CHMP3: variants seen among roughly 807,000 people sequenced by gnomAD.
CHMP3 encodes the protein 25.1 protein.
A neutral mutation model predicts 27.4 loss-of-function variants in CHMP3; 8 were observed. That is an observed-to-expected ratio of 0.29 (90% CI 0.17 to 0.53). CHMP3 has a LOEUF of 0.53. Ranked by LOEUF, CHMP3 falls within the 20% of genes least tolerant of loss-of-function variation. The pLI, the probability that CHMP3 is intolerant of heterozygous loss-of-function variation, is 0.96. For synonymous variants in CHMP3, 86 were observed against 85.5 expected (o/e 1.01, Z -0.03); for missense variants, 208 against 271.5 (o/e 0.77, Z 1.64).
chr2:86,535,218 G>GCACTCCA (rs1336866266), intron 2 of CHMP3, among the ~76,000 whole-genome samples: 1 of 146,450 alleles, frequency 6.8e-6, no homozygotes, highest in East Asian at 2.0e-4. Flanking sequence ...TCACGACGCT[G>GCACTCCA]CACTCCAGCC....
At chr2:86,562,975 G>T in intron 1 of CHMP3, 1 of 255,252 alleles carries the variant, frequency 3.9e-6, no homozygotes, top group Non-Finnish European at 7.5e-6. Flanking sequence ...GCTGGGAAAA[G>T]GTTCCGGGCG....
chr2:86,548,512 T>A (rs1283056460), intron 1 of CHMP3, among the ~76,000 whole-genome samples: 1 of 152,196 alleles, frequency 6.6e-6, no homozygotes, highest in Admixed American at 6.5e-5. Flanking sequence ...GGGGTAAGGT[T>A]ATAGATTAAC....
At chr2:86,544,764 A>C (rs1558657455) in intron 1 of CHMP3, among the ~76,000 whole-genome samples, 1 of 152,212 alleles carries the variant, frequency 6.6e-6, no homozygotes, top group African/African-American at 2.4e-5. Flanking sequence ...ACACAGTAAC[A>C]TCTGATCTCT....
At chr2:86,557,033 C>T (rs1219205487) in intron 1 of CHMP3, among the ~76,000 whole-genome samples, 1 of 152,200 alleles carries the variant, frequency 6.6e-6, no homozygotes, top group African/African-American at 2.4e-5. Flanking sequence ...CTTAAGTTTA[C>T]AATTTTGCTG....
chr2:86,510,854 A>T lies in CHMP3; in HGVS notation c.287-375T>A, dbSNP rs1172424099. 14 of 210,188 alleles carry T rather than the reference A, an allele frequency of 6.7e-5. No individual in the cohort carries two copies. The South Asian group carries it at 8.1e-4, about 12-fold the overall frequency. The allele number at this position is 210,188 out of a possible 1,614,324, so 13.0% of individuals were successfully genotyped here. A position where few individuals can be genotyped will look rare whatever the true frequency, so the allele number is the denominator to read the frequency against. ...ACACTAGGAAAGAGAAGGCTTCAGG[A>T]CCCGAGCAGAGCTCCCCACACACCA... On this transcript the variant is annotated intron_variant, in intron 3 of 5. Transcript: ENST00000263856.
At chr2:86,519,456 T>C (rs1202923194) in intron 3 of CHMP3, among the ~76,000 whole-genome samples, 1 of 152,048 alleles carries the variant, frequency 6.6e-6, no homozygotes, top group Non-Finnish European at 1.5e-5. Context: ...AAAGGGTTTC[T>C]GAGGATCCAG....
At chr2:86,526,501 T>C (rs1051072442) in intron 3 of CHMP3, among the ~76,000 whole-genome samples, 1 of 152,218 alleles carries the variant, frequency 6.6e-6, no homozygotes, top group African/African-American at 2.4e-5. Flanking sequence ...CCCAGCTACT[T>C]ACTTAGCAAT....
chr2:86,541,608 C>T lies in CHMP3; in HGVS notation c.106+644G>A, dbSNP rs567302227. 3.9e-5 allele frequency among the ~76,000 whole-genome samples: 6 copies of T among 152,252 alleles called. No individual in the cohort carries two copies. In the East Asian group the frequency reaches 7.7e-4, roughly 20 times the overall value. ...CTCAGTGATCACAACCCTGTACTGC[C>T]AGCTGCCCAATGTTTGAAAACAGCT... On this transcript the variant is annotated intron_variant, in intron 2 of 5. Transcript: ENST00000263856.
Position 86,505,733 on chromosome 2 carries a change from G to A in CHMP3, c.*71C>T, listed in dbSNP as rs1674862236. Reference sequence around the variant, plus strand: ...AAATGGTAGTCCTCACAACAGAGGTGTAGTGCAAGAGACACATAAAATGGC... The same window carrying A: ...AAATGGTAGTCCTCACAACAGAGGTATAGTGCAAGAGACACATAAAATGGC... On this transcript the variant is annotated 3_prime_UTR_variant, in exon 6 of 6. Coordinates refer to ENST00000263856, the MANE Select transcript of CHMP3 (RefSeq NM_016079.4). 2.1e-6 allele frequency: 3 copies of A among 1,399,272 alleles called. No individual in the cohort carries two copies. The highest frequency in any genetic ancestry group is 5.1e-5 in the Admixed American group (2 of 38,904). 86.7% of individuals were successfully genotyped at this position (1,399,272 alleles called of 1,614,324 possible).
At chr2:86,541,441 C>G (rs1676356135) in intron 2 of CHMP3, 1 of 152,216 alleles carries the variant, frequency 6.6e-6, no homozygotes, top group Non-Finnish European at 1.5e-5. Flanking sequence ...TCCAGCCACT[C>G]CCTGAACCCT....
chr2:86,562,904 G>T (rs1285097915), intron 1 of CHMP3: 1 of 170,638 alleles, frequency 5.9e-6, no homozygotes, highest in Non-Finnish European at 1.2e-5. Context: ...TCCAAACAAC[G>T]CTTCGGGCAG....
At chr2:86,562,162 C>T (rs1450218892) in intron 1 of CHMP3, 1 of 152,172 alleles carries the variant, frequency 6.6e-6, no homozygotes, top group Non-Finnish European at 1.5e-5. Context: ...ACAACAACAA[C>T]AAATTTACAT....
chr2:86,509,459 C>T (rs911982176), intron 4 of CHMP3, among the ~76,000 whole-genome samples: 1 of 152,188 alleles, frequency 6.6e-6, no homozygotes, highest in African/African-American at 2.4e-5. Context: ...CTCTCCCATG[C>T]CCTAAACCCT....
rs1168250126 is a variant in CHMP3, at chr2:86,546,372, G to GT, written c.46-4061_46-4060insA. Among the ~76,000 whole-genome samples the GT allele has an allele frequency of 1.2e-4, 3 of 25,696 alleles. No homozygotes were observed. The East Asian group carries it at 7.2e-3, about 62-fold the overall frequency. 16.9% of individuals were successfully genotyped at this position (25,696 alleles called of 152,430 possible). On this transcript the variant is annotated intron_variant, in intron 1 of 5. Transcript: ENST00000263856. ...AGAGGGAGACCCGAAGGGAGGGGAAGGGGGGGAGGGGGAGGGGGAGTAGGA... is the reference window on the plus strand; with the variant it reads ...AGAGGGAGACCCGAAGGGAGGGGAAGTGGGGGGAGGGGGAGGGGGAGTAGGA...
intron 2 of CHMP3, among the ~76,000 whole-genome samples, chr2:86,530,257 T>C (rs1675867369): frequency 6.6e-6 from 1 of 152,156 alleles, no homozygotes; most frequent in Non-Finnish European, 1.5e-5. Flanking sequence ...CCTCCCAAAG[T>C]GCTGAAATTA....
chr2:86,521,431 C>G (rs557870689), intron 3 of CHMP3, among the ~76,000 whole-genome samples: 5 of 152,160 alleles, frequency 3.3e-5, no homozygotes, highest in African/African-American at 1.2e-4. Context: ...CAAAATTATA[C>G]ATAACATAAA....
In CHMP3 at chr2:86,503,824, TA is replaced by T. The variant is rs1558640191; in HGVS notation, c.*1979del. 6.6e-6 allele frequency: 1 copy of T among 152,338 alleles called. No individual in the cohort carries two copies. Among genetic ancestry groups the T allele is most frequent in the East Asian group, 1.9e-4 (1 of 5,188 alleles). The allele number at this position is 152,338 out of a possible 1,614,324, so 9.4% of individuals were successfully genotyped here. A position where few individuals can be genotyped will look rare whatever the true frequency, so the allele number is the denominator to read the frequency against. On this transcript the variant is annotated 3_prime_UTR_variant, in exon 6 of 6. Transcript: ENST00000263856. ...GAACATGGATGGGGCTGGAGGCCAT[TA>T]TCCTTAACAAACTAACATAGGAACA...
chr2:86,547,415 G>C (rs898680174), intron 1 of CHMP3, among the ~76,000 whole-genome samples: 3 of 152,150 alleles, frequency 2.0e-5, no homozygotes, highest in Admixed American at 6.5e-5. Context: ...TTCTAAACTT[G>C]TAAAATCAAA....
chr2:86,561,011 C>A lies in CHMP3; in HGVS notation c.45+2293G>T, dbSNP rs1303021027. On this transcript the variant is annotated intron_variant, in intron 1 of 5. Coordinates refer to ENST00000263856, the MANE Select transcript of CHMP3 (RefSeq NM_016079.4). ...ACCTCATACTAGGTCCCACCTCCAA[C>A]ACTGGGGATGACAATTTGACATGAG... 2.0e-5 allele frequency among the ~76,000 whole-genome samples: 3 copies of A among 152,204 alleles called. No individual in the cohort carries two copies. The South Asian group carries it at 6.2e-4, about 32-fold the overall frequency.
Sources: allele counts gnomAD v4.1 joint callset (sites outside exome capture counted in the v4.1 genomes callset), GRCh38; gene constraint gnomAD v4.1.1; transcripts MANE v1.5; gene names NCBI Gene and HGNC (gene_info 2026-07-23, HGNC 2026-07-21).